PHLPP1: variants seen among roughly 807,000 people sequenced by gnomAD.
PHLPP1 encodes the protein PH domain and leucine rich repeat protein phosphatase 1.
PHLPP1 carries 42 observed loss-of-function variants against 117.2 expected under a neutral mutation model. That is an observed-to-expected ratio of 0.36 (90% CI 0.28 to 0.46). The LOEUF (loss-of-function observed/expected upper bound fraction) is 0.46. Ranked by LOEUF, PHLPP1 falls within the 20% of genes least tolerant of loss-of-function variation. The pLI is 1.00. For synonymous variants in PHLPP1, 1,042 were observed against 970.7 expected (o/e 1.07, Z -1.37); for missense variants, 2,084 against 2,241.9 (o/e 0.93, Z 1.42).
intron 12 of PHLPP1, among the ~76,000 whole-genome samples, chr18:62,957,978 GT>G (rs1376672894): frequency 1.3e-5 from 2 of 152,156 alleles, no homozygotes; most frequent in Non-Finnish European, 2.9e-5. Context: ...AAAGTGCTGG[GT>G]TTACAGATGT....
In PHLPP1 at chr18:62,745,029, G is replaced by A. The variant is rs564399119; in HGVS notation, c.1576+27770G>A. Among the ~76,000 whole-genome samples, 7 of 152,288 alleles carry A rather than the reference G, an allele frequency of 4.6e-5. No homozygotes were observed. The East Asian group carries it at 1.3e-3, about 29-fold the overall frequency. The stretch of plus-strand genomic sequence containing the variant: ...AGATAGTTTAGGAGGTATAGCTGGT[G>A]TAATTTTGTAATGTTTTAAAACCTG... On this transcript the variant is annotated intron_variant, in intron 1 of 16. Coordinates refer to ENST00000262719, the MANE Select transcript of PHLPP1 (RefSeq NM_194449.4).
In PHLPP1 at chr18:62,838,825, C is replaced by T. The variant is rs1164212882; in HGVS notation, c.1815C>T (p.Ser605=). 4 of 1,613,444 alleles carry T rather than the reference C, an allele frequency of 2.5e-6. No homozygotes were observed. The highest frequency in any genetic ancestry group is 3.3e-5 in the Admixed American group (2 of 60,000). Residue 605 remains serine (S), a synonymous_variant, in exon 3 of 17, where the codon AGC becomes AGT. Transcript: ENST00000262719. ...AGCACCAACACTGTTTAGCATTTAG[C>T]TCCTCTGGACCCCAAAGCCAGACTT... ...VKKHQHCLAF[S]SSGPQSQTYY...
intron 1 of PHLPP1, among the ~76,000 whole-genome samples, chr18:62,829,700 C>T (rs1914703806): frequency 6.6e-6 from 1 of 151,926 alleles, no homozygotes; most frequent in African/African-American, 2.4e-5. Flanking sequence ...TGCAATTAGT[C>T]GAGATTGCGC....
chr18:62,826,735 G>T (rs1408411696), intron 1 of PHLPP1, among the ~76,000 whole-genome samples: 2 of 152,160 alleles, frequency 1.3e-5, no homozygotes, highest in Non-Finnish European at 2.9e-5. Flanking sequence ...GGGCGCGGTG[G>T]TTCATGCCTG....
chr18:62,817,572 TAAA>T (rs557372487), intron 1 of PHLPP1, among the ~76,000 whole-genome samples: 2 of 147,766 alleles, frequency 1.4e-5, no homozygotes, highest in Non-Finnish European at 3.0e-5. Context: ...CATACAGAAT[TAAA>T]AAAAAAACCC....
At chr18:62,840,645 A>G (rs2144342412) in intron 3 of PHLPP1, among the ~76,000 whole-genome samples, 1 of 152,366 alleles carries the variant, frequency 6.6e-6, no homozygotes, top group South Asian at 2.1e-4. Context: ...AACTAGGATC[A>G]AAGTGCAGCA....
chr18:62,854,791 G>A (rs1339352645), intron 3 of PHLPP1, among the ~76,000 whole-genome samples: 3 of 151,344 alleles, frequency 2.0e-5, no homozygotes. Context: ...CCGCCTCCCA[G>A]GTTCAAGTGA....
intron 6 of PHLPP1, among the ~76,000 whole-genome samples, chr18:62,900,166 A>G (rs1446204491): frequency 6.6e-6 from 1 of 152,028 alleles, no homozygotes; most frequent in African/African-American, 2.4e-5. Flanking sequence ...CTGTGGTGGC[A>G]TGTTCCTGTA....
At chr18:62,870,491 T>C (rs988317966) in intron 4 of PHLPP1, among the ~76,000 whole-genome samples, 2 of 152,194 alleles carry the variant, frequency 1.3e-5, no homozygotes, top group African/African-American at 2.4e-5. Context: ...ATTTGTGTGT[T>C]TAGGAATTTG....
chr18:62,895,732 A>G, intron 5 of PHLPP1, 49 bp from the exon 6 acceptor site: 1 of 1,120,428 alleles, frequency 8.9e-7, no homozygotes, highest in Non-Finnish European at 1.4e-6. Flanking sequence ...GATAATAAAG[A>G]TGTAAAATTT....
At chr18:62,912,324 A>T (rs1270772980) in intron 8 of PHLPP1, among the ~76,000 whole-genome samples, 2 of 146,062 alleles carry the variant, frequency 1.4e-5, no homozygotes, top group East Asian at 2.0e-4. Context: ...ATTAAAAAAA[A>T]AATAATAAAA....
At chr18:62,761,168 C>A (rs1179396603) in intron 1 of PHLPP1, among the ~76,000 whole-genome samples, 2 of 152,036 alleles carry the variant, frequency 1.3e-5, no homozygotes, top group Non-Finnish European at 2.9e-5. Flanking sequence ...CCTGGACTTC[C>A]CTGGCATTTT....
chr18:62,795,041 A>G (rs542880164), intron 1 of PHLPP1, among the ~76,000 whole-genome samples: 5 of 152,272 alleles, frequency 3.3e-5, no homozygotes, highest in African/African-American at 1.2e-4. Context: ...CTGCTTTGAT[A>G]CTGCTTGAAA....
intron 1 of PHLPP1, among the ~76,000 whole-genome samples, chr18:62,733,688 G>A (rs1340465266): frequency 6.6e-6 from 1 of 152,168 alleles, no homozygotes; most frequent in East Asian, 1.9e-4. Flanking sequence ...ACAATAAAAA[G>A]GTGAAAAGTG....
At chr18:62,774,924 T>G (rs1035019543) in intron 1 of PHLPP1, among the ~76,000 whole-genome samples, 1 of 152,106 alleles carries the variant, frequency 6.6e-6, no homozygotes, top group African/African-American at 2.4e-5. Flanking sequence ...TTCTCTTGCT[T>G]TTATAGCTAA....
At chr18:62,812,353 C>T (rs1173533764) in intron 1 of PHLPP1, among the ~76,000 whole-genome samples, 1 of 152,182 alleles carries the variant, frequency 6.6e-6, no homozygotes, top group Non-Finnish European at 1.5e-5. Flanking sequence ...AAACTTGACT[C>T]AGTTGGAGCT....
At chr18:62,971,042 G>A (rs1048686530) in intron 14 of PHLPP1, among the ~76,000 whole-genome samples, 1 of 152,134 alleles carries the variant, frequency 6.6e-6, no homozygotes, top group African/African-American at 2.4e-5. Context: ...CCGTTGGTAC[G>A]TTCAAGACGT....
At chr18:62,948,823 G>T (rs951456906) in intron 12 of PHLPP1, among the ~76,000 whole-genome samples, 3 of 151,946 alleles carry the variant, frequency 2.0e-5, no homozygotes, top group African/African-American at 7.2e-5. Context: ...ACTCTGAATT[G>T]ATATTTTTGT....
chr18:62,716,473 C>A lies in PHLPP1; in HGVS notation c.790C>A (p.Pro264Thr). Residue 264 changes from proline to threonine, a missense_variant, in exon 1 of 17, where the codon CCC becomes ACC. By Grantham distance (38) the Pro-to-Thr change is conservative (BLOSUM62 -1). Coordinates refer to ENST00000262719, the MANE Select transcript of PHLPP1 (RefSeq NM_194449.4). The surrounding 1 kb of genome is among the most constrained non-coding windows in gnomAD (Gnocchi z 5.7). The part of the protein sequence containing the change: ...AAAAREPAEP[P>T]PEAGPRLAPP... ...CGCCGCCCGGGAGCCCGCTGAACCG[C>A]CCCCCGAGGCCGGCCCCCGGCTGGC... 1.6e-6 allele frequency: 2 copies of A among 1,232,954 alleles called. No homozygotes were observed. Among genetic ancestry groups the A allele is most frequent in the Non-Finnish European group, 2.0e-6 (2 of 990,310 alleles). 76.4% of individuals were successfully genotyped at this position (1,232,954 alleles called of 1,614,324 possible). A position where few individuals can be genotyped will look rare whatever the true frequency, so the allele number is the denominator to read the frequency against.
Sources: allele counts gnomAD v4.1 joint callset (sites outside exome capture counted in the v4.1 genomes callset), GRCh38; gene constraint gnomAD v4.1.1; non-coding constraint Gnocchi (gnomAD v3.1); transcripts MANE v1.5; gene names NCBI Gene and HGNC (gene_info 2026-07-23, HGNC 2026-07-21).